The following TCOF1 variants were observed in gnomAD, a reference collection of about 807,000 sequenced individuals.
TCOF1 encodes the protein treacle protein.
A neutral mutation model predicts 149.0 loss-of-function variants in TCOF1; 33 were observed. The observed-to-expected ratio is 0.22, with a 90% CI of 0.17 to 0.30. The LOEUF (loss-of-function observed/expected upper bound fraction) is 0.30, where lower values mean the gene tolerates loss of function less well. TCOF1 is among the 10% of genes least tolerant of loss of function. The pLI, the probability that TCOF1 is intolerant of heterozygous loss-of-function variation, is 1.00. For missense variants in TCOF1, 1,728 were observed against 1,840.7 expected, an observed-to-expected ratio of 0.94 and a Z score of 1.12; for synonymous variants, 789 against 738.8, an observed-to-expected ratio of 1.07 and a Z score of -1.10.
chr5:150,399,142 G>A, intron 26 of TCOF1, 72 bp downstream of exon 26: 1 of 1,602,228 alleles, frequency 6.2e-7, no homozygotes, highest in Non-Finnish European at 8.6e-7. Context: ...GTCCCAGAGA[G>A]CCAGGCAGAC....
intron 7 of TCOF1, among the ~76,000 whole-genome samples, chr5:150,373,486 G>C (rs1193579590): frequency 6.6e-6 from 1 of 152,180 alleles, no homozygotes; most frequent in East Asian, 1.9e-4. Flanking sequence ...TGTTTTCTAG[G>C]GTTGTTGGCC....
chr5:150,394,437 T>C lies in TCOF1; in HGVS notation c.3784+885T>C, dbSNP rs1413933558. ...GATGTATCCAGTCTGTGTCAAGGCA[T>C]GGCACATGTAGAAAATAGTCACATT... On this transcript the variant is annotated intron_variant, in intron 23 of 26. Coordinates refer to ENST00000643257, the MANE Select transcript of TCOF1 (RefSeq NM_001371623.1). 2.0e-5 allele frequency: 3 copies of C among 152,330 alleles called. No homozygotes were observed. In the East Asian group the frequency reaches 5.8e-4, roughly 29 times the overall value. The allele number at this position is 152,330 out of a possible 1,614,324, so 9.4% of individuals were successfully genotyped here.
chr5:150,381,397 T>G (rs1201954908), intron 17 of TCOF1, among the ~76,000 whole-genome samples: 1 of 152,214 alleles, frequency 6.6e-6, no homozygotes, highest in Non-Finnish European at 1.5e-5. Flanking sequence ...TATCGCAGAC[T>G]ATGCTAGTGG....
chr5:150,368,197 C>A (rs1002668096), intron 4 of TCOF1: 1 of 456,248 alleles, frequency 2.2e-6, no homozygotes, highest in African/African-American at 2.0e-5. Context: ...TGCGTTCACC[C>A]GTTCACTCAA....
In TCOF1 at chr5:150,389,891, C is replaced by A. The variant is rs1343313861; in HGVS notation, c.3051C>A (p.Ile1017=). The A allele has an allele frequency of 6.2e-7, 1 of 1,614,226 alleles. No individual in the cohort carries two copies. The highest frequency in any genetic ancestry group is 8.5e-7 in the Non-Finnish European group (1 of 1,180,044). Residue 1017 remains isoleucine, a synonymous_variant, in exon 19 of 27, where the codon ATC becomes ATA. Transcript: ENST00000643257. ...IPATQCLTPG[I]RTNVVTMPTA... ...CCCCATCTCGCTCCATTTCAGGCAT[C>A]AGAACCAATGTGGTGACCATGCCCA...
In TCOF1 at chr5:150,374,421, G is replaced by A. The variant is rs1052596262; in HGVS notation, c.1083+35G>A. 6 of 1,550,950 alleles carry A rather than the reference G, an allele frequency of 3.9e-6. No homozygotes were observed. In the African/African-American group the frequency reaches 4.1e-5, roughly 11 times the overall value. The stretch of plus-strand genomic sequence containing the variant: ...GAGGAGGGAGACTCCATGCAGCCAG[G>A]CCCGTCCCCAGAAGGCCTTCTCAGG... On this transcript the variant is annotated intron_variant, in intron 8 of 26. Coordinates refer to ENST00000643257, the MANE Select transcript of TCOF1 (RefSeq NM_001371623.1).
In TCOF1 at chr5:150,388,051, T is replaced by C. The variant is rs772751108; in HGVS notation, c.3009T>C (p.Asp1003=). 8 of 1,612,154 alleles carry C rather than the reference T, an allele frequency of 5.0e-6. No homozygotes were observed. Among genetic ancestry groups the C allele is most frequent in the Non-Finnish European group, 6.8e-6 (8 of 1,179,540 alleles). Residue 1003 remains aspartate, a synonymous_variant, in exon 18 of 27, where the codon GAT becomes GAC. Transcript: ENST00000643257. ...TARSSSSESE[D]EDVIPATQCL... ...GGAGCTCCTCCTCCGAGAGCGAGGA[T>C]GAGGACGTGATCCCCGCTACACAGT...
At chr5:150,372,280 C>T (rs761855584) in intron 7 of TCOF1, 44 bp downstream of exon 7, 2 of 1,537,322 alleles carry the variant, frequency 1.3e-6, no homozygotes, top group Admixed American at 1.9e-5. Flanking sequence ...CCTGCGGGTC[C>T]CCCAGCAGCC....
intron 2 of TCOF1, 91 bp downstream of exon 2, chr5:150,361,302 C>G: frequency 2.7e-6 from 4 of 1,477,188 alleles, no homozygotes; most frequent in Non-Finnish European, 3.8e-6. Flanking sequence ...GGTCTAAGAT[C>G]TGTCCCCATA....
Position 150,374,377 on chromosome 5 carries a change from C to G in TCOF1, c.1074C>G (p.Ala358=). Residue 358 remains alanine, a synonymous_variant, in exon 8 of 27, where the codon GCC becomes GCG. Coordinates refer to ENST00000643257, the MANE Select transcript of TCOF1 (RefSeq NM_001371623.1). ...DSEEETPAAK[A]LLQAKASGKT... is the part of the protein sequence containing the mutation. ...AGGAGGAGACGCCAGCTGCCAAGGC[C>G]CTGCTTCAGGTGAGGCCTGAGGAGG... The G allele has an allele frequency of 6.4e-7, 1 of 1,553,658 alleles. No individual in the cohort carries two copies. Among genetic ancestry groups the G allele is most frequent in the Non-Finnish European group, 8.7e-7 (1 of 1,148,470 alleles).
intron 23 of TCOF1, among the ~76,000 whole-genome samples, chr5:150,395,129 G>A (rs906869334): frequency 1.3e-5 from 2 of 152,262 alleles, no homozygotes; most frequent in South Asian, 2.1e-4. Flanking sequence ...CCAGCCCACC[G>A]CAGCTCTAGA....
chr5:150,385,043 C>T (rs1189466761), intron 17 of TCOF1: 2 of 985,280 alleles, frequency 2.0e-6, no homozygotes, highest in Non-Finnish European at 2.4e-6. Context: ...GGGGTCAGGA[C>T]AGCTTCCAGA....
rs1171689580 is a variant in TCOF1, at chr5:150,372,273, G to T, written c.870+37G>T. The T allele has an allele frequency of 3.2e-6, 5 of 1,564,762 alleles. 1 individual carries two copies. The highest frequency in any genetic ancestry group is 4.3e-6 in the Non-Finnish European group (5 of 1,151,710). On this transcript the variant is annotated intron_variant, in intron 7 of 26. Coordinates refer to ENST00000643257, the MANE Select transcript of TCOF1 (RefSeq NM_001371623.1). The stretch of plus-strand genomic sequence containing the variant: ...AGGAGGGCTGCCCCTTGGAGGACCT[G>T]CGGGTCCCCCAGCAGCCTGAGCACT...
In TCOF1 at chr5:150,368,342, A is replaced by G. The variant is rs569501912; in HGVS notation, c.379-374A>G. 33 of 356,052 alleles carry G rather than the reference A, an allele frequency of 9.3e-5. No homozygotes were observed. In the East Asian group the frequency reaches 1.8e-3, roughly 20 times the overall value. The allele number at this position is 356,052 out of a possible 1,614,324, so 22.1% of individuals were successfully genotyped here. On this transcript the variant is annotated intron_variant, in intron 4 of 26. Transcript: ENST00000643257. ...GAAACTGCTCAAAAAACAAGGTGTC[A>G]TTTTCTAATAATCCAGAAAGCAGAG...
At position 150,375,483 on chromosome 5, in the gene TCOF1, T is replaced by C; in HGVS notation, c.1633T>C (p.Ser545Pro). 1 of 1,614,094 alleles carries C rather than the reference T, an allele frequency of 6.2e-7. No individual in the cohort carries two copies. The highest frequency in any genetic ancestry group is 8.5e-7 in the Non-Finnish European group (1 of 1,180,002). The change falls in exon 11 of 27, where the codon TCA (serine) becomes CCA (proline). Residue 545 changes from serine to proline, a missense_variant. This residue lies in a region of TCOF1 where 1,696 missense variants were observed against 1,765.4 expected (regional missense o/e 0.96). Coordinates refer to ENST00000643257, the MANE Select transcript of TCOF1 (RefSeq NM_001371623.1). ...CCAGGTGGGGAAGTGGGAGGAGGAC[T>C]CAGAGAGCAGTAGTGAGGAGTCATC... ...SAQVGKWEED[S>P]ESSSEESSDS...
chr5:150,361,769 T>C (rs1469150053), intron 2 of TCOF1, among the ~76,000 whole-genome samples: 1 of 152,118 alleles, frequency 6.6e-6, no homozygotes, highest in Non-Finnish European at 1.5e-5. Flanking sequence ...GAGTGAACTA[T>C]GCAGTGGGTA....
chr5:150,397,536 G>A (rs982642687), intron 24 of TCOF1, among the ~76,000 whole-genome samples: 4 of 152,126 alleles, frequency 2.6e-5, no homozygotes, highest in African/African-American at 7.2e-5. Context: ...ACTGCGGCTC[G>A]GGCTCGGAGA....
At chr5:150,385,176 T>G (rs757924166) in intron 17 of TCOF1, 1 of 824,554 alleles carries the variant, frequency 1.2e-6, no homozygotes, top group East Asian at 1.2e-4. Flanking sequence ...GTCGGTAATA[T>G]TTTTTAAGGC....
rs1764579650 is a variant in TCOF1 at position 150,379,554 on chromosome 5, A to G, written c.2681A>G (p.His894Arg). 1.2e-6 allele frequency: 2 copies of G among 1,614,160 alleles called. No individual in the cohort carries two copies. Among genetic ancestry groups the G allele is most frequent in the Non-Finnish European group, 1.7e-6 (2 of 1,180,030 alleles). The change falls in exon 17 of 27, where the codon CAC becomes CGC. Residue 894 changes from histidine (H) to arginine (R), a missense_variant. By Grantham distance (29) the His-to-Arg change is conservative. Transcript: ENST00000643257. ...CAGGTGAAGCCTTCAGGGAAGACCCACCAGATCAGAGCTGCCTTGGCTCCT... is the reference window on the plus strand; with the variant it reads ...CAGGTGAAGCCTTCAGGGAAGACCCGCCAGATCAGAGCTGCCTTGGCTCCT... ...LAQVKPSGKT[H>R]QIRAALAPAK... is the part of the protein sequence containing the mutation.
Sources: allele counts gnomAD v4.1 joint callset (sites outside exome capture counted in the v4.1 genomes callset), GRCh38; gene constraint gnomAD v4.1.1; regional missense constraint gnomAD v4.1.1; transcripts MANE v1.5; gene names NCBI Gene and HGNC (gene_info 2026-07-23, HGNC 2026-07-21).